TMEM230: variants seen among roughly 807,000 people sequenced by gnomAD.
TMEM230 encodes transmembrane protein 230.
A neutral mutation model predicts 15.8 loss-of-function variants in TMEM230; 10 were observed. The observed-to-expected ratio is 0.63, with a 90% confidence interval of 0.39 to 1.07. The LOEUF (loss-of-function observed/expected upper bound fraction) is 1.07. Among genes scored for constraint, TMEM230 ranks in the 50% least tolerant of loss-of-function variants. TMEM230 has a pLI of 0.01. For synonymous variants in TMEM230, 67 were observed against 76.9 expected (o/e 0.87, Z 0.68); for missense variants, 165 against 193.3 (o/e 0.85, Z 0.87).
downstream of TMEM230, chr20:5,066,089 G>A (rs2088649859): frequency 6.6e-6 from 1 of 152,280 alleles, no homozygotes; most frequent in African/African-American, 2.4e-5. Context: ...AAACCTCACA[G>A]CTTTGCTAAG....
chr20:5,065,915 C>G (rs547207672), downstream of TMEM230, among the ~76,000 whole-genome samples: 3 of 152,254 alleles, frequency 2.0e-5, no homozygotes, highest in East Asian at 5.8e-4. Flanking sequence ...GACCCCCGTC[C>G]CTGGAATGAC....
intron 3 of TMEM230, among the ~76,000 whole-genome samples, chr20:5,078,583 C>T (rs954236030): frequency 6.6e-6 from 1 of 152,118 alleles, no homozygotes; most frequent in Non-Finnish European, 1.5e-5. Context: ...CATTATGGGT[C>T]AACGCGGGGC....
At chr20:5,076,834 C>T (rs995329525) in intron 3 of TMEM230, among the ~76,000 whole-genome samples, 4 of 151,068 alleles carry the variant, frequency 2.6e-5, no homozygotes, top group Admixed American at 6.6e-5. Context: ...AGCGCCACTA[C>T]ACCTGGCTAA....
At chr20:5,074,327 A>G (rs1262407194) in intron 3 of TMEM230, among the ~76,000 whole-genome samples, 1 of 152,180 alleles carries the variant, frequency 6.6e-6, no homozygotes, top group Non-Finnish European at 1.5e-5. Context: ...AATCACCATT[A>G]TCACTGGAGA....
At chr20:5,091,034 T>C (rs1570031) in intron 3 of TMEM230, among the ~76,000 whole-genome samples, 82,148 of 151,916 alleles carry the variant, frequency 0.54, 22,729 homozygotes, top group East Asian at 0.84. Flanking sequence ...AGGGTCTCGC[T>C]GTCACCCAGG....
At chr20:5,072,005 C>T (rs1054439477) in intron 3 of TMEM230, among the ~76,000 whole-genome samples, 3 of 151,960 alleles carry the variant, frequency 2.0e-5, no homozygotes, top group Non-Finnish European at 4.4e-5. Flanking sequence ...CCTGCCTCAG[C>T]CTCCCAAAGT....
At chr20:5,097,527 ACTT>A (rs371051556), downstream of TMEM230, among the ~76,000 whole-genome samples, 12 of 152,186 alleles carry the variant, frequency 7.9e-5, no homozygotes, top group African/African-American at 2.9e-4. Context: ...TTCCCCAACT[ACTT>A]CTACTGTCCA....
chr20:5,104,677 G>GTA (rs974386968), intron 4 of TMEM230, among the ~76,000 whole-genome samples: 19 of 152,304 alleles, frequency 1.2e-4, no homozygotes, highest in African/African-American at 2.6e-4. Flanking sequence ...ATGCAATGGA[G>GTA]TACTATTCAG....
intron 3 of TMEM230, among the ~76,000 whole-genome samples, chr20:5,088,689 AT>A (rs953889687): frequency 4.6e-5 from 7 of 151,690 alleles, no homozygotes; most frequent in African/African-American, 1.7e-4. Context: ...ATTAAAAAAA[AT>A]TTTTTTGTAG....
intron 2 of TMEM230, chr20:5,111,229 C>T (rs2090303813): frequency 6.6e-6 from 1 of 150,622 alleles, no homozygotes; most frequent in African/African-American, 2.4e-5. Flanking sequence ...ACTTTTCCTC[C>T]ATAAAGTAAC....
downstream of TMEM230, among the ~76,000 whole-genome samples, chr20:5,098,642 G>T (rs1433490824): frequency 6.6e-6 from 1 of 152,156 alleles, no homozygotes; most frequent in African/African-American, 2.4e-5. Flanking sequence ...TCATTCCTCA[G>T]GGGACTCTGG....
intron 3 of TMEM230, among the ~76,000 whole-genome samples, chr20:5,094,631 T>A (rs112392690): frequency 7.1e-6 from 1 of 140,678 alleles, no homozygotes; most frequent in Non-Finnish European, 1.5e-5. Context: ...AGCTTGAACA[T>A]GTGAGGCAGA....
chr20:5,060,467 G>A, the TMEM230 span, among the ~76,000 whole-genome samples: 1 of 151,252 alleles, frequency 6.6e-6, no homozygotes, highest in Non-Finnish European at 1.5e-5. Flanking sequence ...CTCCTGAGTA[G>A]CTGGGATTAC....
downstream of TMEM230, among the ~76,000 whole-genome samples, chr20:5,095,672 GCCC>G (rs1198601198): frequency 6.6e-6 from 1 of 152,164 alleles, no homozygotes; most frequent in Non-Finnish European, 1.5e-5. Context: ...GGGAAACTGG[GCCC>G]CCATCAGTCA....
At chr20:5,082,922 GT>G (rs140284230) in intron 3 of TMEM230, among the ~76,000 whole-genome samples, 59,421 of 126,950 alleles carry the variant, frequency 0.47, 9,308 homozygotes, top group East Asian at 0.67. Context: ...TCTTCATATT[GT>G]TTTTTTTTTT....
chr20:5,098,406 C>A (rs1167482114), downstream of TMEM230: 1 of 152,134 alleles, frequency 6.6e-6, no homozygotes, highest in African/African-American at 2.4e-5. Context: ...CGAGTACTAA[C>A]CAGGCCTGAC....
At chr20:5,111,703 T>C (rs2090333857) in intron 1 of TMEM230, 1 of 768,122 alleles carries the variant, frequency 1.3e-6, no homozygotes, top group Non-Finnish European at 1.6e-6. Flanking sequence ...AGTTTTTCTC[T>C]GGGATGGCAT....
At chr20:5,062,010 C>G in the TMEM230 span, among the ~76,000 whole-genome samples, 15 of 151,938 alleles carry the variant, frequency 9.9e-5, no homozygotes, top group Admixed American at 5.3e-4. Context: ...CACCTGAGGT[C>G]AGGAGTTCAA....
intron 3 of TMEM230, among the ~76,000 whole-genome samples, chr20:5,078,181 C>T (rs1169890814): frequency 1.3e-5 from 2 of 151,256 alleles, no homozygotes; most frequent in Non-Finnish European, 3.0e-5. Flanking sequence ...TGTGTAGACG[C>T]CCAGGGACCC....
Sources: allele counts gnomAD v4.1 joint callset (sites outside exome capture counted in the v4.1 genomes callset), GRCh38; gene constraint gnomAD v4.1.1; transcripts MANE v1.5; gene names NCBI Gene and HGNC (gene_info 2026-07-23, HGNC 2026-07-21).